The following FAM149B1 variants were observed in gnomAD, a reference collection of about 807,000 sequenced individuals.
The protein encoded by FAM149B1 is family with sequence similarity 149 member B1, also known as primary cilium assembly protein FAM149B1.
FAM149B1 carries 56 observed loss-of-function variants against 75.3 expected under a neutral mutation model. That is an observed-to-expected ratio of 0.74 (90% CI 0.60 to 0.93). The LOEUF (loss-of-function observed/expected upper bound fraction) is 0.93. Among genes scored for constraint, FAM149B1 ranks in the 40% least tolerant of loss-of-function variants. The probability of loss-of-function intolerance (pLI) is 0.00; values close to 1 mark genes in which losing one functional copy is unlikely to be tolerated. For synonymous variants in FAM149B1, 259 were observed against 256.1 expected (o/e 1.01, Z -0.11); for missense variants, 639 against 708.4 (o/e 0.90, Z 1.11).
chr10:73,243,710 TACACTTTAA>T lies in FAM149B1; in HGVS notation c.*2693_*2701del. 10 of 1,098,818 alleles carry T rather than the reference TACACTTTAA, an allele frequency of 9.1e-6. No homozygotes were observed. Among genetic ancestry groups the T allele is most frequent in the Non-Finnish European group, 1.3e-5 (10 of 764,442 alleles). 68.1% of individuals were successfully genotyped at this position (1,098,818 alleles called of 1,614,324 possible). A position where few individuals can be genotyped will look rare whatever the true frequency, so the allele number is the denominator to read the frequency against. Reference sequence around the variant, plus strand: ...AAATACACTTAAAACCACCAAATTGTACACTTTAAAAGGACAAATAGAAGGTATGCGGTT... The same window carrying T: ...AAATACACTTAAAACCACCAAATTGTAAGGACAAATAGAAGGTATGCGGTT... On this transcript the variant is annotated 3_prime_UTR_variant, in exon 14 of 14. Transcript: ENST00000242505.
intron 2 of FAM149B1, among the ~76,000 whole-genome samples, chr10:73,176,580 T>TA (rs995555129): frequency 6.6e-6 from 1 of 151,910 alleles, no homozygotes; most frequent in Non-Finnish European, 1.5e-5. Flanking sequence ...AATGTGTGAT[T>TA]AAAAAAAATA....
At chr10:73,178,896 A>T (rs1844088061) in intron 3 of FAM149B1, among the ~76,000 whole-genome samples, 1 of 152,174 alleles carries the variant, frequency 6.6e-6, no homozygotes, top group African/African-American at 2.4e-5. Flanking sequence ...AACTCTAAAA[A>T]TTTTTTAAAG....
chr10:73,197,808 G>A (rs1403025988), intron 5 of FAM149B1, among the ~76,000 whole-genome samples: 1 of 151,920 alleles, frequency 6.6e-6, no homozygotes, highest in African/African-American at 2.4e-5. Context: ...AAAGATGGTG[G>A]CAGCATACAG....
At position 73,208,001 on chromosome 10, in the gene FAM149B1, T is replaced by G. The variant is rs148820729; in HGVS notation, c.543-618T>G. Among the ~76,000 whole-genome samples the G allele has an allele frequency of 6.6e-5, 10 of 152,380 alleles. No homozygotes were observed. The East Asian group carries it at 1.9e-3, about 29-fold the overall frequency. On this transcript the variant is annotated intron_variant, in intron 5 of 13. Coordinates refer to ENST00000242505, the MANE Select transcript of FAM149B1 (RefSeq NM_173348.2). The stretch of plus-strand genomic sequence containing the variant: ...TGTATTTTGCAATGTGAGAAGGATA[T>G]GAGATTTGGGAGGAGCCAAGGGCAG...
intron 7 of FAM149B1, among the ~76,000 whole-genome samples, chr10:73,225,992 C>CA (rs2043533146): frequency 6.6e-6 from 1 of 152,098 alleles, no homozygotes; most frequent in African/African-American, 2.4e-5. Flanking sequence ...TAAATACACT[C>CA]AGACTTCACA....
Position 73,243,713 on chromosome 10 carries a change from A to T in FAM149B1, c.*2694A>T. ...TACACTTAAAACCACCAAATTGTAC[A>T]CTTTAAAAGGACAAATAGAAGGTAT... On this transcript the variant is annotated 3_prime_UTR_variant, in exon 14 of 14. Transcript: ENST00000242505. 2.7e-6 allele frequency: 3 copies of T among 1,095,918 alleles called. No individual in the cohort carries two copies. The highest frequency in any genetic ancestry group is 3.9e-6 in the Non-Finnish European group (3 of 761,268). 67.9% of individuals were successfully genotyped at this position (1,095,918 alleles called of 1,614,324 possible).
At position 73,193,531 on chromosome 10, in the gene FAM149B1, A is replaced by G; in HGVS notation, c.480A>G (p.Arg160=). The change falls in exon 5 of 14, where the codon AGA becomes AGG. Residue 160 remains arginine (R), a synonymous_variant. Coordinates refer to ENST00000242505, the MANE Select transcript of FAM149B1 (RefSeq NM_173348.2). ...TPSEGYRLYP[R]SPSAVSASYE... ...GTGAAGGTTATAGATTGTATCCTAG[A>G]TCCCCTTCTGCTGTTTCCGCTTCAT... 6.4e-7 allele frequency: 1 copy of G among 1,550,770 alleles called. No homozygotes were observed. The highest frequency in any genetic ancestry group is 1.2e-5 in the South Asian group (1 of 84,014).
At chr10:73,227,375 A>G (rs193132843) in intron 7 of FAM149B1, among the ~76,000 whole-genome samples, 82 of 152,286 alleles carry the variant, frequency 5.4e-4, no homozygotes, top group African/African-American at 1.9e-3. Context: ...GTCAGCCACC[A>G]TGCCCAGCCT....
intron 5 of FAM149B1, among the ~76,000 whole-genome samples, chr10:73,206,666 G>A (rs112258781): frequency 2.0e-5 from 3 of 152,292 alleles, no homozygotes; most frequent in East Asian, 1.9e-4. Context: ...GGGGCTCAGC[G>A]GGGCCCAGTT....
At chr10:73,235,991 C>G (rs560298391) in intron 12 of FAM149B1, among the ~76,000 whole-genome samples, 1 of 152,300 alleles carries the variant, frequency 6.6e-6, no homozygotes, top group African/African-American at 2.4e-5. Flanking sequence ...CCCACATAAT[C>G]TGCTTTGTGG....
rs2043978626 is a variant in FAM149B1, at chr10:73,243,794, C to T, written c.*2775C>T. ...TACAACATTCCAAAGAAAATATTAGCAGTAGGAATCAGATCATTAAAGATG... is the reference window on the plus strand; with the variant it reads ...TACAACATTCCAAAGAAAATATTAGTAGTAGGAATCAGATCATTAAAGATG... On this transcript the variant is annotated 3_prime_UTR_variant, in exon 14 of 14. Coordinates refer to ENST00000242505, the MANE Select transcript of FAM149B1 (RefSeq NM_173348.2). The T allele has an allele frequency of 6.8e-7, 1 of 1,469,456 alleles. No homozygotes were observed. The highest frequency in any genetic ancestry group is 1.2e-5 in the South Asian group (1 of 84,436). 91.0% of individuals were successfully genotyped at this position (1,469,456 alleles called of 1,614,324 possible).
intron 12 of FAM149B1, among the ~76,000 whole-genome samples, chr10:73,238,305 C>T: frequency 6.6e-6 from 1 of 152,206 alleles, no homozygotes; most frequent in Non-Finnish European, 1.5e-5. Flanking sequence ...CGAGATCGTG[C>T]CATTGCACTC....
chr10:73,227,989 C>G (rs533692338), intron 7 of FAM149B1, 71 bp from the exon 8 acceptor site: 2 of 1,448,130 alleles, frequency 1.4e-6, no homozygotes, highest in Non-Finnish European at 1.9e-6. Context: ...CAGGAGAGAT[C>G]TTTTTTCACA....
At chr10:73,215,576 TGCTTTTGCTGTA>T (rs2043281103) in intron 7 of FAM149B1, among the ~76,000 whole-genome samples, 1 of 152,218 alleles carries the variant, frequency 6.6e-6, no homozygotes, top group Non-Finnish European at 1.5e-5. Flanking sequence ...CTCTTAATAC[TGCTTTTGCTGTA>T]TCCTACAGGT....
chr10:73,198,890 G>A (rs146997999), intron 5 of FAM149B1, among the ~76,000 whole-genome samples: 1 of 152,262 alleles, frequency 6.6e-6, no homozygotes, highest in African/African-American at 2.4e-5. Context: ...TGGCCAACAA[G>A]TGCCTGAAAA....
chr10:73,204,045 A>G (rs1564697072), intron 5 of FAM149B1, among the ~76,000 whole-genome samples: 1 of 152,192 alleles, frequency 6.6e-6, no homozygotes, highest in Admixed American at 6.5e-5. Flanking sequence ...AGCTCCTAAT[A>G]CATATTCCCA....
chr10:73,238,114 G>A (rs1022093728), intron 12 of FAM149B1, among the ~76,000 whole-genome samples: 2 of 152,148 alleles, frequency 1.3e-5, no homozygotes, highest in African/African-American at 2.4e-5. Context: ...GGGAGGCTGA[G>A]GTGGGCAGAT....
chr10:73,235,612 C>A, intron 12 of FAM149B1: 1 of 393,124 alleles, frequency 2.5e-6, no homozygotes, highest in Non-Finnish European at 4.2e-6. Flanking sequence ...ATAAGCATAA[C>A]TTTATTATGT....
chr10:73,222,018 A>C (rs1337118559), intron 7 of FAM149B1, among the ~76,000 whole-genome samples: 1 of 152,164 alleles, frequency 6.6e-6, no homozygotes, highest in Non-Finnish European at 1.5e-5. Context: ...GATATTTTGA[A>C]AATGTGGAAT....
Sources: gnomAD v4.1 joint callset for allele counts (sites outside exome capture counted in the v4.1 genomes callset) on GRCh38, gnomAD v4.1.1 for gene constraint, MANE v1.5 for transcripts, NCBI Gene and HGNC (gene_info 2026-07-23, HGNC 2026-07-21) for gene names.